The following MTMR3 variants were observed in gnomAD, a reference collection of about 807,000 sequenced individuals.
MTMR3 encodes phosphatidylinositol-3,5-bisphosphate 3-phosphatase MTMR3.
MTMR3 carries 32 observed loss-of-function variants against 132.4 expected under a neutral mutation model. That is an observed-to-expected ratio of 0.24 (90% CI 0.18 to 0.32). The LOEUF is 0.32. Among genes scored for constraint, MTMR3 ranks in the 10% least tolerant of loss-of-function variants. MTMR3 has a pLI of 1.00. For synonymous variants in MTMR3, 556 were observed against 550.3 expected, an observed-to-expected ratio of 1.01 and a Z score of -0.14; for missense variants, 1,216 against 1,489.6, an observed-to-expected ratio of 0.82 and a Z score of 3.02.
At position 30,020,139 on chromosome 22, in the gene MTMR3, C is replaced by T. The variant is rs2067709119; in HGVS notation, c.2480C>T (p.Ser827Phe). 2 of 1,614,208 alleles carry T rather than the reference C, an allele frequency of 1.2e-6. No homozygotes were observed. Among genetic ancestry groups the T allele is most frequent in the Admixed American group, 1.7e-5 (1 of 60,032 alleles). The change falls in exon 17 of 20, where the codon TCT becomes TTT. Residue 827 changes from serine (S) to phenylalanine (F), a missense_variant. Around this residue, in one of 7 missense-constraint regions of MTMR3, gnomAD observed 852 missense variants for 852.0 expected, o/e 1.00. Transcript: ENST00000401950. The stretch of plus-strand genomic sequence containing the variant: ...GGCTATGGTACCTCACAGTCATGTT[C>T]TCTGCTACCTTCCCAAGTCCCTTTT... ...KVGYGTSQSCSLLPSQVPFET... is the reference protein window; with the variant it reads ...KVGYGTSQSCFLLPSQVPFET...
rs960493319 is a variant in MTMR3 at position 30,022,652 on chromosome 22, C to T, written c.3380C>T (p.Ala1127Val). 16 of 1,612,114 alleles carry T rather than the reference C, an allele frequency of 9.9e-6. No individual in the cohort carries two copies. Among genetic ancestry groups the T allele is most frequent in the African/African-American group, 5.3e-5 (4 of 74,942 alleles). ...LPDHLAAHCY[A>V]CDSAFWLASR... ...GACCACCTGGCCGCCCACTGCTATG[C>T]GTGCGACAGTGCCTTCTGGCTTGCC... The change falls in exon 19 of 20, where the codon GCG becomes GTG. Residue 1127 changes from alanine (A) to valine (V), a missense_variant. By Grantham distance (64) the Ala-to-Val change is moderately conservative (BLOSUM62 0). Around this residue, in one of 7 missense-constraint regions of MTMR3, gnomAD observed 852 missense variants for 852.0 expected, o/e 1.00. Coordinates refer to ENST00000401950, the MANE Select transcript of MTMR3 (RefSeq NM_021090.4).
intron 7 of MTMR3, chr22:29,994,723 G>A (rs566205325): frequency 6.6e-6 from 1 of 152,270 alleles, no homozygotes; most frequent in South Asian, 2.1e-4. Context: ...AGAGAGGAGA[G>A]AAATGAGAAA....
intron 1 of MTMR3, chr22:29,899,580 ATAAT>A (rs2064966617): frequency 6.6e-6 from 1 of 152,218 alleles, no homozygotes; most frequent in Admixed American, 6.5e-5. Context: ...TACTACTGTA[ATAAT>A]TAAGAAAGAT....
At chr22:29,966,630 C>T (rs1390327309) in intron 2 of MTMR3, among the ~76,000 whole-genome samples, 4 of 151,912 alleles carry the variant, frequency 2.6e-5, no homozygotes, top group East Asian at 1.9e-4. Context: ...GTAAGAAAGG[C>T]GGGATAGATA....
intron 1 of MTMR3, among the ~76,000 whole-genome samples, chr22:29,945,121 T>C (rs993798310): frequency 5.3e-5 from 8 of 152,278 alleles, no homozygotes; most frequent in African/African-American, 1.7e-4. Flanking sequence ...CGAGTGATTC[T>C]CTAGCCTCAG....
In MTMR3 at chr22:29,978,001, G is replaced by A. The variant is rs28712350; in HGVS notation, c.4-441G>A. 41 of 154,340 alleles carry A rather than the reference G, an allele frequency of 2.7e-4. No individual in the cohort carries two copies. In the East Asian group the frequency reaches 4.4e-3, roughly 16 times the overall value. The allele number at this position is 154,340 out of a possible 1,614,324, so 9.6% of individuals were successfully genotyped here. A position where few individuals can be genotyped will look rare whatever the true frequency, so the allele number is the denominator to read the frequency against. ...GTCTCTACAAAAATAGTAGCCAGGC[G>A]TTATGGCACGCACCTGTAGTCCCAG... On this transcript the variant is annotated intron_variant, in intron 3 of 19. Transcript: ENST00000401950.
chr22:29,952,221 C>T (rs369250779), intron 1 of MTMR3, among the ~76,000 whole-genome samples: 1 of 151,956 alleles, frequency 6.6e-6, no homozygotes. Flanking sequence ...AGATTTTTTT[C>T]CCCCTCGGGA....
intron 3 of MTMR3, among the ~76,000 whole-genome samples, chr22:29,971,390 G>A (rs559608226): frequency 2.2e-4 from 33 of 152,082 alleles, no homozygotes; most frequent in Non-Finnish European, 4.4e-4. Flanking sequence ...AGGAAGTAGC[G>A]TGTAGTGAAA....
chr22:29,921,113 A>C (rs1460993457), intron 1 of MTMR3, among the ~76,000 whole-genome samples: 1 of 152,064 alleles, frequency 6.6e-6, no homozygotes, highest in Non-Finnish European at 1.5e-5. Context: ...TAAAGAAAAT[A>C]GTTTTATTTG....
chr22:29,944,171 G>T (rs537953639), intron 1 of MTMR3, among the ~76,000 whole-genome samples: 13 of 152,048 alleles, frequency 8.5e-5, no homozygotes, highest in African/African-American at 2.9e-4. Context: ...GCCCAGAAGA[G>T]TGAGAACAGT....
chr22:29,966,726 C>CGTGTGT (rs55960706), intron 2 of MTMR3, among the ~76,000 whole-genome samples: 186 of 142,958 alleles, frequency 1.3e-3, no homozygotes, highest in Middle Eastern at 7.0e-3. Flanking sequence ...TAGGGGTGTG[C>CGTGTGT]GTGTGTGTGT....
chr22:29,884,918 T>C (rs1883114097), intron 1 of MTMR3, among the ~76,000 whole-genome samples: 1 of 152,198 alleles, frequency 6.6e-6, no homozygotes, highest in African/African-American at 2.4e-5. Context: ...AAATTAAATT[T>C]GGAGGATTCT....
rs59697212 is a variant in MTMR3, at chr22:30,030,341, AAGATT to A, written c.*4541_*4545del. The A allele has an allele frequency of 0.31, 47,645 of 151,450 alleles. 8,273 individuals carry two copies. Among genetic ancestry groups the A allele is most frequent in the South Asian group, 0.45 (2,183 of 4,802 alleles). The allele number at this position is 151,450 out of a possible 1,614,324, so 9.4% of individuals were successfully genotyped here. Reference sequence around the variant, plus strand: ...TTTAACAGCTTCCCAACTAGCTTATAAGATTTTTTTTTTTAATGAAAACATAACCC... The same window carrying A: ...TTTAACAGCTTCCCAACTAGCTTATATTTTTTTTTAATGAAAACATAACCC... On this transcript the variant is annotated 3_prime_UTR_variant, in exon 20 of 20. Coordinates refer to ENST00000401950, the MANE Select transcript of MTMR3 (RefSeq NM_021090.4).
In MTMR3 at chr22:30,018,065, C is replaced by T. The variant is rs752392630; in HGVS notation, c.1813C>T (p.Leu605=). 2 of 1,607,508 alleles carry T rather than the reference C, an allele frequency of 1.2e-6. No individual in the cohort carries two copies. Among genetic ancestry groups the T allele is most frequent in the East Asian group, 4.5e-5 (2 of 44,740 alleles). Residue 605 remains leucine, a synonymous_variant, in exon 16 of 20, where the codon CTG becomes TTG. Coordinates refer to ENST00000401950, the MANE Select transcript of MTMR3 (RefSeq NM_021090.4). Reference sequence around the variant, plus strand: ...AGGCACCAGCCCTGATGATCCCCCCCTGAGCCGGTGAGCCCAGGGTGATGC... The same window carrying T: ...AGGCACCAGCCCTGATGATCCCCCCTTGAGCCGGTGAGCCCAGGGTGATGC... The part of the protein sequence containing the change: ...APGTSPDDPP[L]SRLPKTRSYD...
chr22:30,019,227 C>T, intron 16 of MTMR3: 1 of 391,378 alleles, frequency 2.6e-6, no homozygotes, highest in Non-Finnish European at 4.6e-6. Context: ...AAGAAAATAG[C>T]ACTTGCTGTT....
In MTMR3 at chr22:29,926,499, C is replaced by G. The variant is rs747807425; in HGVS notation, c.-137-30537C>G. On this transcript the variant is annotated intron_variant, in intron 1 of 19. Coordinates refer to ENST00000401950, the MANE Select transcript of MTMR3 (RefSeq NM_021090.4). ...CAGTGGAGCTATACCATGTCACATT[C>G]CTATCAGCAATTATTAGGATTTTAA... Among the ~76,000 whole-genome samples, 139 of 152,270 alleles carry G rather than the reference C, an allele frequency of 9.1e-4. 1 individual carries two copies. Among genetic ancestry groups the G allele is most frequent in the Non-Finnish European group, 8.1e-4 (55 of 68,012 alleles).
At chr22:29,932,780 A>G (rs1440284461) in intron 1 of MTMR3, among the ~76,000 whole-genome samples, 1 of 152,170 alleles carries the variant, frequency 6.6e-6, no homozygotes, top group African/African-American at 2.4e-5. Flanking sequence ...TTATGTGAAA[A>G]TAATAATAGT....
At chr22:30,021,997 C>G in intron 17 of MTMR3, 32 bp from the exon 18 acceptor site, 1 of 1,540,482 alleles carries the variant, frequency 6.5e-7, no homozygotes, top group Non-Finnish European at 9.0e-7. Flanking sequence ...AGACCAGGTT[C>G]ATTCTGTTCA....
chr22:29,957,863 A>G (rs2066230447), intron 2 of MTMR3, among the ~76,000 whole-genome samples: 1 of 152,200 alleles, frequency 6.6e-6, no homozygotes, highest in African/African-American at 2.4e-5. Flanking sequence ...GAGAGACACT[A>G]CACATTCATA....
Sources: allele counts gnomAD v4.1 joint callset (sites outside exome capture counted in the v4.1 genomes callset), GRCh38; gene constraint gnomAD v4.1.1; regional missense constraint gnomAD v4.1.1; transcripts MANE v1.5; gene names NCBI Gene and HGNC (gene_info 2026-07-23, HGNC 2026-07-21).